Variants in MAPK10 observed in about 807,000 individuals in gnomAD.
MAPK10 encodes JNK3 alpha protein kinase.
A neutral mutation model predicts 59.3 loss-of-function variants in MAPK10; 25 were observed. That is an observed-to-expected ratio of 0.42 (90% CI 0.31 to 0.59). MAPK10 has a LOEUF of 0.59. Ranked by LOEUF, MAPK10 falls within the 20% of genes least tolerant of loss-of-function variation. The pLI is 0.15. For missense variants in MAPK10, 351 were observed against 568.9 expected (o/e 0.62, Z 3.90); for synonymous variants, 190 against 200.5 (o/e 0.95, Z 0.44).
intron 2 of MAPK10, among the ~76,000 whole-genome samples, chr4:86,211,892 C>T (rs956241178): frequency 2.0e-5 from 3 of 151,962 alleles, no homozygotes. Context: ...TGTGCTACAA[C>T]TTCAACATAT....
chr4:86,209,400 G>A (rs1040656263), intron 2 of MAPK10, among the ~76,000 whole-genome samples: 10 of 152,054 alleles, frequency 6.6e-5, no homozygotes, highest in African/African-American at 2.2e-4. Flanking sequence ...TGCACTGACT[G>A]ACAGAATTTG....
intron 1 of MAPK10, among the ~76,000 whole-genome samples, chr4:86,387,551 C>G (rs1741641755): frequency 6.6e-6 from 1 of 152,214 alleles, no homozygotes; most frequent in Non-Finnish European, 1.5e-5. Flanking sequence ...TGGACTGGAG[C>G]AAGTCCCTGA....
At chr4:86,228,734 T>C (rs2091073012) in intron 2 of MAPK10, among the ~76,000 whole-genome samples, 2 of 152,178 alleles carry the variant, frequency 1.3e-5, no homozygotes, top group East Asian at 1.9e-4. Flanking sequence ...ATCTGATCCA[T>C]GTTTGTATCC....
chr4:86,497,884 A>T (rs192892417), intron 1 of MAPK10, among the ~76,000 whole-genome samples: 1 of 151,698 alleles, frequency 6.6e-6, no homozygotes, highest in African/African-American at 2.4e-5. Flanking sequence ...TGATTAGAAA[A>T]CCCTCCATTC....
chr4:86,204,916 T>A (rs1177511509), intron 2 of MAPK10, among the ~76,000 whole-genome samples: 1 of 152,056 alleles, frequency 6.6e-6, no homozygotes, highest in Non-Finnish European at 1.5e-5. Flanking sequence ...AAAAAAATGT[T>A]CTTTCCATTA....
At chr4:86,384,624 G>A (rs184502135) in intron 1 of MAPK10, among the ~76,000 whole-genome samples, 48 of 152,174 alleles carry the variant, frequency 3.2e-4, no homozygotes, top group African/African-American at 1.1e-3. Context: ...GGCAAGAGAT[G>A]ATCATTACAT....
intron 1 of MAPK10, among the ~76,000 whole-genome samples, chr4:86,487,264 G>T (rs906513890): frequency 1.3e-5 from 2 of 152,006 alleles, no homozygotes; most frequent in Non-Finnish European, 2.9e-5. Context: ...TAATGTAAGA[G>T]GATACCTTTT....
At chr4:86,349,545 A>G (rs900912807) in intron 2 of MAPK10, among the ~76,000 whole-genome samples, 1 of 152,254 alleles carries the variant, frequency 6.6e-6, no homozygotes, top group Non-Finnish European at 1.5e-5. Context: ...TAATAAACAG[A>G]TAATAAGATA....
At chr4:86,283,463 C>T (rs994019005) in intron 2 of MAPK10, among the ~76,000 whole-genome samples, 3 of 152,188 alleles carry the variant, frequency 2.0e-5, no homozygotes, top group Non-Finnish European at 2.9e-5. Flanking sequence ...AGGAGAAATG[C>T]AATTTCAACA....
upstream of MAPK10, among the ~76,000 whole-genome samples, chr4:86,456,623 T>C (rs1481006488): frequency 6.6e-6 from 1 of 151,942 alleles, no homozygotes; most frequent in South Asian, 2.1e-4. Context: ...TTAGACACTC[T>C]GAACAGACCA....
intron 2 of MAPK10, among the ~76,000 whole-genome samples, chr4:86,338,804 G>T (rs1454503027): frequency 1.3e-5 from 2 of 152,058 alleles, no homozygotes; most frequent in Non-Finnish European, 2.9e-5. Flanking sequence ...GAAAGTGCTT[G>T]GTAATGATCC....
intron 4 of MAPK10, among the ~76,000 whole-genome samples, chr4:86,116,276 G>A (rs1373989544): frequency 6.6e-6 from 1 of 152,188 alleles, no homozygotes; most frequent in Non-Finnish European, 1.5e-5. Context: ...TTCATATTGT[G>A]ATTGTCAGAA....
At chr4:86,115,052 G>A (rs1353443631) in intron 4 of MAPK10, among the ~76,000 whole-genome samples, 1 of 152,240 alleles carries the variant, frequency 6.6e-6, no homozygotes, top group African/African-American at 2.4e-5. Flanking sequence ...TGGAGTTGCA[G>A]TGATGGTGAC....
At chr4:86,545,919 G>A (rs1759114175) in intron 1 of MAPK10, among the ~76,000 whole-genome samples, 1 of 152,246 alleles carries the variant, frequency 6.6e-6, no homozygotes, top group Non-Finnish European at 1.5e-5. Context: ...GAATTTTGAG[G>A]GCTCAGTCCA....
At chr4:86,501,549 G>T (rs1424776771) in intron 1 of MAPK10, among the ~76,000 whole-genome samples, 2 of 151,980 alleles carry the variant, frequency 1.3e-5, no homozygotes, top group Non-Finnish European at 1.5e-5. Context: ...GGTAAGGAGG[G>T]TTCGCTTTTT....
At chr4:86,074,511 T>A (rs1052157402) in intron 9 of MAPK10, among the ~76,000 whole-genome samples, 30 of 142,298 alleles carry the variant, frequency 2.1e-4, no homozygotes, top group African/African-American at 6.8e-4. Context: ...CATTTTGGCA[T>A]GATTTTGCAG....
At chr4:86,098,389 T>A in intron 9 of MAPK10, 135 bp downstream of exon 9, 1 of 1,337,042 alleles carries the variant, frequency 7.5e-7, no homozygotes, top group South Asian at 1.6e-5. Context: ...TTATAGAAAT[T>A]ATCACTTTTT....
intron 1 of MAPK10, among the ~76,000 whole-genome samples, chr4:86,540,144 G>A (rs1036280526): frequency 5.3e-5 from 8 of 152,184 alleles, no homozygotes; most frequent in African/African-American, 1.9e-4. Flanking sequence ...TCCATTGCAT[G>A]CTTAAATGTG....
intron 1 of MAPK10, among the ~76,000 whole-genome samples, chr4:86,544,152 T>G (rs565235404): frequency 6.6e-6 from 1 of 152,338 alleles, no homozygotes; most frequent in Admixed American, 6.5e-5. Flanking sequence ...ACAGGTTTTT[T>G]TCCACAAGAG....
Sources: allele counts gnomAD v4.1 joint callset (sites outside exome capture counted in the v4.1 genomes callset), GRCh38; gene constraint gnomAD v4.1.1; transcripts MANE v1.5; gene names NCBI Gene and HGNC (gene_info 2026-07-23, HGNC 2026-07-21).